The following EYS variants were observed in gnomAD, a reference collection of about 807,000 sequenced individuals.
EYS encodes the protein EGF-like photoreceptor maintenance factor.
EYS carries 250 observed loss-of-function variants against 282.1 expected under a neutral mutation model. That is an observed-to-expected ratio of 0.89 (90% confidence interval 0.80 to 0.98). The LOEUF (loss-of-function observed/expected upper bound fraction) is 0.98, where lower values mean the gene tolerates loss of function less well. Ranked by LOEUF, EYS falls within the 50% of genes least tolerant of loss-of-function variation. The pLI, the probability that EYS is intolerant of heterozygous loss-of-function variation, is 0.00. For missense variants in EYS, 4,016 were observed against 3,709.0 expected (o/e 1.08, Z -2.15); for synonymous variants, 1,355 against 1,282.9 (o/e 1.06, Z -1.20).
At chr6:65,190,928 C>T (rs919888402) in intron 12 of EYS, among the ~76,000 whole-genome samples, 3 of 151,670 alleles carry the variant, frequency 2.0e-5, no homozygotes, top group South Asian at 2.1e-4. Flanking sequence ...CTGTAGGATG[C>T]GAATGAGGGA....
At chr6:65,538,768 A>T (rs908182123) in intron 2 of EYS, among the ~76,000 whole-genome samples, 1 of 152,130 alleles carries the variant, frequency 6.6e-6, no homozygotes, top group African/African-American at 2.4e-5. Flanking sequence ...TAGTATTCAA[A>T]ATTCCATACC....
chr6:65,299,188 C>A (rs903175932), intron 11 of EYS, among the ~76,000 whole-genome samples: 3 of 152,018 alleles, frequency 2.0e-5, no homozygotes, highest in Non-Finnish European at 4.4e-5. Flanking sequence ...ATTAAAAAAT[C>A]TGTCCTATTT....
intron 12 of EYS, among the ~76,000 whole-genome samples, chr6:65,170,150 T>C (rs1765070274): frequency 6.6e-6 from 1 of 151,378 alleles, no homozygotes; most frequent in African/African-American, 2.4e-5. Flanking sequence ...AACCCCATGG[T>C]GAAGATGTTG....
intron 26 of EYS, among the ~76,000 whole-genome samples, chr6:64,489,468 G>GA (rs1776672117): frequency 1.4e-5 from 2 of 148,140 alleles, no homozygotes; most frequent in South Asian, 4.2e-4. Flanking sequence ...ATTCAAAATA[G>GA]AAAAAAGTAT....
intron 35 of EYS, among the ~76,000 whole-genome samples, chr6:63,976,225 T>G (rs1490443581): frequency 6.6e-6 from 1 of 152,026 alleles, no homozygotes; most frequent in East Asian, 1.9e-4. Flanking sequence ...CTACCGTATA[T>G]TACCGTAGAC....
At chr6:65,253,685 T>C (rs1163817292) in intron 12 of EYS, among the ~76,000 whole-genome samples, 1 of 151,864 alleles carries the variant, frequency 6.6e-6, no homozygotes, top group Non-Finnish European at 1.5e-5. Flanking sequence ...GTCTTCAAAA[T>C]AGAAGTCACT....
In EYS at chr6:65,335,142, CA is replaced by C. The variant is rs2150313808; in HGVS notation, c.1603del (p.Cys535ValfsTer8). 1 of 1,605,676 alleles carries C rather than the reference CA, an allele frequency of 6.2e-7. No individual in the cohort carries two copies. ...WFPHEGTKEI[C>X]ANGCSCLSEE... ...ACTCAAACAACTGCATCCATTTGCACAAATCTATAGCAACGAAAGAAGTAAA... is the reference window on the plus strand; with the variant it reads ...ACTCAAACAACTGCATCCATTTGCACAATCTATAGCAACGAAAGAAGTAAA... On this transcript the variant is annotated frameshift_variant, in exon 11 of 43. Coordinates refer to ENST00000503581, the MANE Select transcript of EYS (RefSeq NM_001142800.2). LOFTEE classifies it high-confidence loss of function.
At chr6:65,635,279 T>C (rs367887526) in intron 2 of EYS, among the ~76,000 whole-genome samples, 2 of 152,128 alleles carry the variant, frequency 1.3e-5, no homozygotes, top group Non-Finnish European at 2.9e-5. Context: ...CCCATCTCTA[T>C]AGCCAACACC....
chr6:64,241,502 T>C (rs1347814166), intron 30 of EYS, among the ~76,000 whole-genome samples: 2 of 152,192 alleles, frequency 1.3e-5, no homozygotes, highest in East Asian at 3.9e-4. Context: ...CAGTTTCTTC[T>C]AGATTTTCTA....
intron 42 of EYS, among the ~76,000 whole-genome samples, chr6:63,722,103 A>T (rs954846280): frequency 6.6e-6 from 1 of 152,140 alleles, no homozygotes; most frequent in Non-Finnish European, 1.5e-5. Context: ...TCCTTATGAT[A>T]CCATTTAATG....
chr6:63,803,792 T>A (rs1000702121), intron 37 of EYS, among the ~76,000 whole-genome samples: 1 of 152,154 alleles, frequency 6.6e-6, no homozygotes, highest in African/African-American at 2.4e-5. Flanking sequence ...TCTCTTTCTA[T>A]GTAAAGCTCC....
intron 31 of EYS, among the ~76,000 whole-genome samples, chr6:64,093,764 T>G (rs1424438780): frequency 1.3e-5 from 2 of 152,190 alleles, no homozygotes; most frequent in Non-Finnish European, 2.9e-5. Context: ...GCTGCCTGAT[T>G]GCCCTGGCCA....
intron 28 of EYS, among the ~76,000 whole-genome samples, chr6:64,411,310 A>G (rs1251450556): frequency 2.0e-5 from 3 of 152,116 alleles, no homozygotes; most frequent in Non-Finnish European, 4.4e-5. Flanking sequence ...CATAAAACAT[A>G]AAACAGTAAC....
At chr6:65,692,513 T>C (rs1769280969) in intron 1 of EYS, among the ~76,000 whole-genome samples, 1 of 150,342 alleles carries the variant, frequency 6.7e-6, no homozygotes, top group South Asian at 2.1e-4. Context: ...TTTTCATACT[T>C]GTTTCCTGGT....
chr6:64,126,992 A>G (rs1773808558), intron 31 of EYS, among the ~76,000 whole-genome samples: 2 of 152,164 alleles, frequency 1.3e-5, no homozygotes, highest in Non-Finnish European at 2.9e-5. Flanking sequence ...TGACTGTGAA[A>G]TGCTCAGCTG....
intron 2 of EYS, among the ~76,000 whole-genome samples, chr6:65,565,503 G>A (rs1301824412): frequency 6.6e-6 from 1 of 152,044 alleles, no homozygotes; most frequent in African/African-American, 2.4e-5. Flanking sequence ...GTTGGTGGGA[G>A]TATAAATTAG....
chr6:64,703,429 A>ATAATTTTTTTTTTTTTT (rs869208549), intron 22 of EYS, among the ~76,000 whole-genome samples: 1 of 23,366 alleles, frequency 4.3e-5, no homozygotes, highest in African/African-American at 9.6e-5. Context: ...ATATATATAT[A>ATAATTTTTTTTTTTTTT]TTTTTTTTTT....
intron 31 of EYS, among the ~76,000 whole-genome samples, chr6:64,089,553 C>G (rs979943918): frequency 2.7e-5 from 4 of 149,370 alleles, no homozygotes; most frequent in Non-Finnish European, 4.5e-5. Flanking sequence ...AACTTTTTTA[C>G]CACATTATAC....
rs115429652 is a variant in EYS at position 64,143,472 on chromosome 6, A to G, written c.6425-61470T>C. 7.9e-3 allele frequency among the ~76,000 whole-genome samples: 1,205 copies of G among 152,046 alleles called. 12 individuals carry two copies. The highest frequency in any genetic ancestry group is 0.028 in the African/African-American group (1,154 of 41,500). ...ATAGGAAGAACTCTTTATATTTTGC[A>G]TTCAATTTTTCTGTAACCTAAAAGT... On this transcript the variant is annotated intron_variant, in intron 31 of 42. Coordinates refer to ENST00000503581, the MANE Select transcript of EYS (RefSeq NM_001142800.2).
Sources: gnomAD v4.1 joint callset for allele counts (sites outside exome capture counted in the v4.1 genomes callset) on GRCh38, gnomAD v4.1.1 for gene constraint, MANE v1.5 for transcripts, NCBI Gene and HGNC (gene_info 2026-07-23, HGNC 2026-07-21) for gene names.